Variants in SIPA1L1 observed in about 807,000 individuals in gnomAD.
The protein encoded by SIPA1L1 is signal-induced proliferation-associated 1-like protein 1.
In SIPA1L1, 26 loss-of-function variants were observed where a neutral mutation model predicts 162.7. The ratio of observed to expected loss-of-function variants is 0.16; its 90% confidence interval spans 0.12 to 0.22. The LOEUF (loss-of-function observed/expected upper bound fraction) is 0.22. Among genes scored for constraint, SIPA1L1 ranks in the 10% least tolerant of loss-of-function variants. The pLI is 1.00. For missense variants in SIPA1L1, 1,874 were observed against 2,241.0 expected (o/e 0.84, Z 3.31); for synonymous variants, 829 against 837.4 (o/e 0.99, Z 0.17).
intron 2 of SIPA1L1, among the ~76,000 whole-genome samples, chr14:71,371,663 G>A (rs528600745): frequency 6.6e-6 from 1 of 152,232 alleles, no homozygotes; most frequent in South Asian, 2.1e-4. Flanking sequence ...GCCTCCCAAA[G>A]TGCTGGGATT....
At position 71,379,917 on chromosome 14, in the gene SIPA1L1, G is replaced by C. The variant is rs1206438940; in HGVS notation, c.-465+58736G>C. Among the ~76,000 whole-genome samples, 2 of 152,060 alleles carry C rather than the reference G, an allele frequency of 1.3e-5. 1 individual carries two copies. Among genetic ancestry groups the C allele is most frequent in the African/African-American group, 4.8e-5 (2 of 41,414 alleles). On this transcript the variant is annotated intron_variant, in intron 2 of 23. Coordinates refer to ENST00000381232, the MANE Select transcript of SIPA1L1 (RefSeq NM_001386936.1). The stretch of plus-strand genomic sequence containing the variant: ...GCTCACTATCACATAAAATGTTTTT[G>C]TAAATGATTAGCTATTTTTTGTGTT...
intron 5 of SIPA1L1, among the ~76,000 whole-genome samples, chr14:71,604,847 A>G (rs1284134711): frequency 1.3e-5 from 2 of 152,138 alleles, no homozygotes; most frequent in Admixed American, 1.3e-4. Context: ...GGTTTGACCA[A>G]AATGTGCTGT....
intron 2 of SIPA1L1, among the ~76,000 whole-genome samples, chr14:71,356,482 G>T (rs2037253921): frequency 6.7e-6 from 1 of 149,230 alleles, no homozygotes; most frequent in Non-Finnish European, 1.5e-5. Flanking sequence ...TGTGATCCCA[G>T]CACTTTGGGA....
rs779874892 is a variant in SIPA1L1 at position 71,419,480 on chromosome 14, C to CTTT, written c.-464-93237_-464-93235dup. ...TTTGAAAGGCTCAAGGAGGATCTCT[C>CTTT]TTTTTTTTTTTTTTTTTTTTTTTTT... On this transcript the variant is annotated intron_variant, in intron 2 of 23. Transcript: ENST00000381232. Among the ~76,000 whole-genome samples the CTTT allele has an allele frequency of 2.9e-3, 245 of 85,252 alleles. 23 individuals are homozygous for CTTT. Among genetic ancestry groups the CTTT allele is most frequent in the African/African-American group, 7.5e-3 (156 of 20,784 alleles). The allele number at this position is 85,252 out of a possible 152,430, so 55.9% of individuals were successfully genotyped here.
intron 5 of SIPA1L1, chr14:71,598,186 A>C (rs144524244): frequency 1.9e-5 from 19 of 985,084 alleles, no homozygotes; most frequent in Non-Finnish European, 2.3e-5. Flanking sequence ...AAGACCACCA[A>C]TTGATCCCCA....
intron 9 of SIPA1L1, 130 bp downstream of exon 9, chr14:71,658,566 C>T (rs1168906923): frequency 1.0e-5 from 7 of 678,494 alleles, no homozygotes; most frequent in African/African-American, 5.6e-5. Context: ...AAGCTTTGTG[C>T]TTTGTGGAAG....
chr14:71,698,777 C>T (rs1297661393), intron 13 of SIPA1L1, among the ~76,000 whole-genome samples: 1 of 151,182 alleles, frequency 6.6e-6, no homozygotes, highest in Non-Finnish European at 1.5e-5. Context: ...CCCACCCCCA[C>T]CCCCTCCAAG....
At chr14:71,447,012 A>T (rs2045454850) in intron 2 of SIPA1L1, among the ~76,000 whole-genome samples, 1 of 144,778 alleles carries the variant, frequency 6.9e-6, no homozygotes, top group African/African-American at 2.6e-5. Context: ...CCCAGGCTCA[A>T]GTGATTCTCC....
At chr14:71,576,391 A>G (rs1436321664) in intron 4 of SIPA1L1, 1 of 152,254 alleles carries the variant, frequency 6.6e-6, no homozygotes, top group African/African-American at 2.4e-5. Context: ...CCTGATGCAT[A>G]CATAACTGGT....
chr14:71,598,178 G>C, intron 5 of SIPA1L1: 1 of 984,374 alleles, frequency 1.0e-6, no homozygotes, highest in East Asian at 1.1e-4. Context: ...TGGTTACCAA[G>C]ACCACCAATT....
intron 4 of SIPA1L1, among the ~76,000 whole-genome samples, chr14:71,579,291 AT>A (rs201160900): frequency 6.0e-5 from 9 of 151,052 alleles, no homozygotes; most frequent in African/African-American, 1.2e-4. Context: ...CTTTTTACTG[AT>A]TTTTTTTTCT....
chr14:71,677,529 T>C (rs2045333294), intron 12 of SIPA1L1, among the ~76,000 whole-genome samples: 4 of 152,244 alleles, frequency 2.6e-5, no homozygotes, highest in Admixed American at 1.3e-4. Flanking sequence ...TTTGGTGTTT[T>C]AGTCATGAAG....
intron 2 of SIPA1L1, among the ~76,000 whole-genome samples, chr14:71,361,923 C>T (rs550898481): frequency 3.3e-5 from 5 of 152,280 alleles, no homozygotes; most frequent in African/African-American, 9.6e-5. Flanking sequence ...CATACTGTTG[C>T]GTGTGATATT....
chr14:71,527,983 G>A (rs1413338256), intron 3 of SIPA1L1, among the ~76,000 whole-genome samples: 1 of 152,134 alleles, frequency 6.6e-6, no homozygotes, highest in African/African-American at 2.4e-5. Flanking sequence ...CGCCTCCCAG[G>A]TTCAAGCGAT....
intron 2 of SIPA1L1, among the ~76,000 whole-genome samples, chr14:71,358,579 C>T (rs1272274822): frequency 6.6e-6 from 1 of 152,224 alleles, no homozygotes; most frequent in East Asian, 1.9e-4. Flanking sequence ...ACCTGCCCTC[C>T]ATTCATTCCT....
intron 12 of SIPA1L1, among the ~76,000 whole-genome samples, chr14:71,677,269 C>T (rs991335540): frequency 6.6e-6 from 1 of 152,176 alleles, no homozygotes; most frequent in Non-Finnish European, 1.5e-5. Context: ...GCATAAATGT[C>T]TTCTTTTGCG....
chr14:71,528,246 G>A (rs772861060), intron 3 of SIPA1L1, among the ~76,000 whole-genome samples: 1 of 152,160 alleles, frequency 6.6e-6, no homozygotes, highest in Non-Finnish European at 1.5e-5. Flanking sequence ...AGATCTTCAA[G>A]TTAAGGAATT....
At chr14:71,527,026 T>C (rs2052950887) in intron 3 of SIPA1L1, among the ~76,000 whole-genome samples, 1 of 152,244 alleles carries the variant, frequency 6.6e-6, no homozygotes, top group African/African-American at 2.4e-5. Context: ...ATTTTAAAAT[T>C]TCAGCCATTT....
rs1441724867 is a variant in SIPA1L1, at chr14:71,739,962, C to T, written c.*801C>T. The T allele has an allele frequency of 6.6e-6, 1 of 152,196 alleles. No homozygotes were observed. Among genetic ancestry groups the T allele is most frequent in the Admixed American group, 6.5e-5 (1 of 15,278 alleles). The allele number at this position is 152,196 out of a possible 1,614,324, so 9.4% of individuals were successfully genotyped here. On this transcript the variant is annotated 3_prime_UTR_variant, in exon 24 of 24. Transcript: ENST00000381232. ...CAATCTCTCTTACAGCTTCCTGGCT[C>T]CAAACATTAATTGATTTCAGAATTC...
Sources: gnomAD v4.1 joint callset for allele counts (sites outside exome capture counted in the v4.1 genomes callset) on GRCh38, gnomAD v4.1.1 for gene constraint, MANE v1.5 for transcripts, NCBI Gene and HGNC (gene_info 2026-07-23, HGNC 2026-07-21) for gene names.